The following CIRSR variants were observed in gnomAD, a reference collection of about 807,000 sequenced individuals.
CIRSR encodes the protein CBF1 (RBPJ) interacting corepressor 1.
At chr2:174,348,936 CTGT>C in the CIRSR span, 259 of 1,613,774 alleles carry the variant, frequency 1.6e-4, 1 homozygote, top group Admixed American at 4.2e-3. Flanking sequence ...TTCAGAATCA[CTGT>C]TGTTATGCCC....
the CIRSR span, among the ~76,000 whole-genome samples, chr2:174,356,194 A>G: frequency 2.6e-5 from 4 of 151,648 alleles, no homozygotes; most frequent in Admixed American, 2.6e-4. Flanking sequence ...GGCCAGGCGC[A>G]GTGGCTCATG....
the CIRSR span, among the ~76,000 whole-genome samples, chr2:174,350,910 C>T: frequency 6.6e-6 from 1 of 152,086 alleles, no homozygotes; most frequent in Non-Finnish European, 1.5e-5. Context: ...TTTTTGTAGT[C>T]TCCCTGCCGA....
chr2:174,350,386 T>C, the CIRSR span, among the ~76,000 whole-genome samples: 1 of 152,190 alleles, frequency 6.6e-6, no homozygotes, highest in African/African-American at 2.4e-5. Context: ...CAAATCTATT[T>C]TGAAAAGTAA....
chr2:174,390,944 C>A, the CIRSR span, among the ~76,000 whole-genome samples: 7 of 152,200 alleles, frequency 4.6e-5, no homozygotes, highest in African/African-American at 1.7e-4. Flanking sequence ...AATTAAAATT[C>A]TTTCCTTATA....
chr2:174,348,658 A>C, the CIRSR span: 1 of 1,614,038 alleles, frequency 6.2e-7, no homozygotes, highest in Non-Finnish European at 8.5e-7. Context: ...CTTTGCTTGT[A>C]ACTACCAGGA....
chr2:174,351,787 A>G, the CIRSR span: 1 of 1,295,460 alleles, frequency 7.7e-7, no homozygotes, highest in Non-Finnish European at 1.1e-6. Flanking sequence ...TTCGGACTCC[A>G]CAGTAGGAAT....
At chr2:174,376,193 G>T in the CIRSR span, among the ~76,000 whole-genome samples, 3 of 152,054 alleles carry the variant, frequency 2.0e-5, no homozygotes, top group Non-Finnish European at 4.4e-5. Context: ...AGGGGTATCC[G>T]CCTCATGCAG....
the CIRSR span, among the ~76,000 whole-genome samples, chr2:174,394,549 G>A: frequency 6.6e-6 from 1 of 152,162 alleles, no homozygotes; most frequent in Non-Finnish European, 1.5e-5. Context: ...TATAAAATGA[G>A]GAGATGGGGC....
chr2:174,351,927 T>C, the CIRSR span: 1 of 420,032 alleles, frequency 2.4e-6, no homozygotes, highest in Non-Finnish European at 4.2e-6. Flanking sequence ...TGCATTTTTC[T>C]TTACGTGCAA....
At chr2:174,349,521 T>G in the CIRSR span, among the ~76,000 whole-genome samples, 1 of 138,088 alleles carries the variant, frequency 7.2e-6, no homozygotes, top group South Asian at 2.2e-4. Context: ...GTCAAAATCA[T>G]GCCACTGCAC....
chr2:174,382,692 G>A, the CIRSR span, among the ~76,000 whole-genome samples: 3 of 152,082 alleles, frequency 2.0e-5, no homozygotes, highest in Admixed American at 1.3e-4. Flanking sequence ...GATGGACTCA[G>A]TGTCTGGTGC....
the CIRSR span, among the ~76,000 whole-genome samples, chr2:174,377,613 T>C: frequency 6.6e-6 from 1 of 150,922 alleles, no homozygotes; most frequent in Non-Finnish European, 1.5e-5. Flanking sequence ...AGCCCAGGAG[T>C]TCAAGACCAG....
chr2:174,357,312 A>G, the CIRSR span, among the ~76,000 whole-genome samples: 1 of 152,318 alleles, frequency 6.6e-6, no homozygotes, highest in East Asian at 1.9e-4. Flanking sequence ...GATATTTTAT[A>G]CCACATACTT....
chr2:174,385,909 T>C, the CIRSR span, among the ~76,000 whole-genome samples: 2 of 152,226 alleles, frequency 1.3e-5, no homozygotes, highest in Non-Finnish European at 2.9e-5. Context: ...CAGAAATATA[T>C]AATTGATGCA....
At chr2:174,369,981 G>T in the CIRSR span, 3 of 1,365,030 alleles carry the variant, frequency 2.2e-6, no homozygotes, top group Non-Finnish European at 2.9e-6. Flanking sequence ...CTCAGCACAG[G>T]CTTACCAGAA....
the CIRSR span, chr2:174,380,628 C>A: frequency 7.1e-5 from 113 of 1,599,814 alleles, no homozygotes; most frequent in Middle Eastern, 6.2e-4. Flanking sequence ...CATATCTTGT[C>A]TTAAAAGTAA....
At chr2:174,380,760 C>A in the CIRSR span, 4 of 1,603,684 alleles carry the variant, frequency 2.5e-6, no homozygotes, top group South Asian at 1.1e-5. Flanking sequence ...CCATATAATA[C>A]AATCAACTGC....
At chr2:174,365,947 A>C in the CIRSR span, among the ~76,000 whole-genome samples, 3 of 152,238 alleles carry the variant, frequency 2.0e-5, no homozygotes. Flanking sequence ...TACTAAGATT[A>C]ATATGTTAAG....
chr2:174,363,424 A>T, the CIRSR span, among the ~76,000 whole-genome samples: 1 of 152,266 alleles, frequency 6.6e-6, no homozygotes, highest in Non-Finnish European at 1.5e-5. Context: ...AACAGTAGAC[A>T]CAGTCTTAAG....
Sources: gnomAD v4.1 joint callset for allele counts (sites outside exome capture counted in the v4.1 genomes callset) on GRCh38, gnomAD v4.1.1 for gene constraint, MANE v1.5 for transcripts, NCBI Gene and HGNC (gene_info 2026-07-23, HGNC 2026-07-21) for gene names.